The following HEMK2 variants were observed in gnomAD, a reference collection of about 807,000 sequenced individuals.
The protein encoded by HEMK2 is HemK methyltransferase 2, ETF1 glutamine and histone H4 lysine.
the HEMK2 span, among the ~76,000 whole-genome samples, chr21:28,855,125 T>G: frequency 6.6e-6 from 1 of 152,080 alleles, no homozygotes; most frequent in Non-Finnish European, 1.5e-5. Flanking sequence ...GACTATTTCT[T>G]ATATAATGAC....
the HEMK2 span, among the ~76,000 whole-genome samples, chr21:28,736,102 C>T: frequency 5.3e-5 from 8 of 152,306 alleles, no homozygotes; most frequent in Admixed American, 1.3e-4. Context: ...GGGTATAGAT[C>T]GACACCAGAT....
chr21:28,625,377 A>G, the HEMK2 span, among the ~76,000 whole-genome samples: 1 of 152,214 alleles, frequency 6.6e-6, no homozygotes. Flanking sequence ...AACAGGTAGG[A>G]AGCCTAACAC....
the HEMK2 span, among the ~76,000 whole-genome samples, chr21:28,577,005 C>G: frequency 6.6e-6 from 1 of 152,208 alleles, no homozygotes; most frequent in Non-Finnish European, 1.5e-5. Context: ...GCCACTGCGC[C>G]CAGCCCTAGC....
the HEMK2 span, chr21:28,577,409 A>C: frequency 6.6e-5 from 10 of 152,176 alleles, no homozygotes; most frequent in African/African-American, 2.4e-4. Context: ...AAAATATACC[A>C]TGTTTCATGA....
chr21:28,763,364 T>C, the HEMK2 span, among the ~76,000 whole-genome samples: 2 of 152,150 alleles, frequency 1.3e-5, no homozygotes, highest in Middle Eastern at 3.4e-3. Flanking sequence ...GGAACAAGCA[T>C]GTCATATGGT....
chr21:28,813,768 C>T, the HEMK2 span, among the ~76,000 whole-genome samples: 15 of 152,182 alleles, frequency 9.9e-5, no homozygotes, highest in South Asian at 6.2e-4. Context: ...TCAGAAATAA[C>T]GCCACACATC....
At chr21:28,672,318 G>T in the HEMK2 span, among the ~76,000 whole-genome samples, 10 of 151,916 alleles carry the variant, frequency 6.6e-5, no homozygotes, top group Non-Finnish European at 1.3e-4. Context: ...CCTATCACTG[G>T]GTGTTAAATT....
chr21:28,802,938 GT>G, the HEMK2 span, among the ~76,000 whole-genome samples: 1 of 152,142 alleles, frequency 6.6e-6, no homozygotes, highest in Admixed American at 6.5e-5. Context: ...ATCTACATAA[GT>G]TGTGGGACTC....
the HEMK2 span, among the ~76,000 whole-genome samples, chr21:28,790,896 T>C: frequency 2.0e-5 from 3 of 150,558 alleles, no homozygotes; most frequent in African/African-American, 4.9e-5. Context: ...GACGAGTTAA[T>C]GGGTGTAGCA....
chr21:28,690,200 G>A, the HEMK2 span, among the ~76,000 whole-genome samples: 1 of 152,166 alleles, frequency 6.6e-6, no homozygotes, highest in Non-Finnish European at 1.5e-5. Flanking sequence ...ACCTGGCCCT[G>A]CTCTTGACAC....
chr21:28,631,468 T>A, the HEMK2 span, among the ~76,000 whole-genome samples: 2 of 152,144 alleles, frequency 1.3e-5, no homozygotes, highest in African/African-American at 4.8e-5. Context: ...CCCACCCTAA[T>A]TCAGTGGTCT....
the HEMK2 span, among the ~76,000 whole-genome samples, chr21:28,801,393 A>T: frequency 6.6e-6 from 1 of 152,196 alleles, no homozygotes; most frequent in African/African-American, 2.4e-5. Context: ...TTCTTTTTTT[A>T]AAAGGGATAA....
chr21:28,659,827 AG>A, the HEMK2 span, among the ~76,000 whole-genome samples: 2 of 152,106 alleles, frequency 1.3e-5, no homozygotes, highest in African/African-American at 2.4e-5. Flanking sequence ...CACAAATTTT[AG>A]AATTATCCTA....
the HEMK2 span, among the ~76,000 whole-genome samples, chr21:28,656,861 T>C: frequency 6.6e-6 from 1 of 152,088 alleles, no homozygotes; most frequent in East Asian, 1.9e-4. Context: ...TTGTGTAACT[T>C]TGATAAATTA....
the HEMK2 span, among the ~76,000 whole-genome samples, chr21:28,885,030 A>C: frequency 9.2e-5 from 14 of 152,268 alleles, no homozygotes; most frequent in African/African-American, 2.9e-4. Flanking sequence ...CGTCCCCGGC[A>C]CACTCATTAC....
chr21:28,821,286 C>A, the HEMK2 span, among the ~76,000 whole-genome samples: 9 of 152,176 alleles, frequency 5.9e-5, no homozygotes, highest in African/African-American at 1.9e-4. Flanking sequence ...AGGCTGTGGG[C>A]TCCAGAATCG....
At chr21:28,669,658 AG>A in the HEMK2 span, among the ~76,000 whole-genome samples, 5 of 152,202 alleles carry the variant, frequency 3.3e-5, no homozygotes, top group Non-Finnish European at 7.3e-5. Flanking sequence ...GACCAGCCTA[AG>A]CCCAAGCAAG....
At chr21:28,772,125 C>T in the HEMK2 span, among the ~76,000 whole-genome samples, 1 of 152,102 alleles carries the variant, frequency 6.6e-6, no homozygotes, top group East Asian at 1.9e-4. Context: ...GGAGAAAATG[C>T]ATCGTCTGTG....
At chr21:28,611,312 A>G in the HEMK2 span, among the ~76,000 whole-genome samples, 16,100 of 152,230 alleles carry the variant, frequency 0.11, 1,407 homozygotes, top group African/African-American at 0.23. Context: ...TTGGGTCAAT[A>G]ATGAAATCAA....
Sources: gnomAD v4.1 joint callset for allele counts (sites outside exome capture counted in the v4.1 genomes callset) on GRCh38, gnomAD v4.1.1 for gene constraint, MANE v1.5 for transcripts, NCBI Gene and HGNC (gene_info 2026-07-23, HGNC 2026-07-21) for gene names.